Variants in LRP2 observed in about 807,000 individuals in gnomAD.
LRP2 encodes the protein LDL receptor related protein 2, also known as low-density lipoprotein receptor-related protein 2.
LRP2 carries 172 observed loss-of-function variants against 531.0 expected under a neutral mutation model. The observed-to-expected ratio is 0.32, with a 90% CI of 0.29 to 0.37. The LOEUF (loss-of-function observed/expected upper bound fraction) is 0.37. Ranked by LOEUF, LRP2 falls within the 10% of genes least tolerant of loss-of-function variation. The probability of loss-of-function intolerance (pLI) is 1.00; values close to 1 mark genes in which losing one functional copy is unlikely to be tolerated. For synonymous variants in LRP2, 1,992 were observed against 2,027.6 expected, an observed-to-expected ratio of 0.98 and a Z score of 0.47; for missense variants, 5,167 against 5,868.3, an observed-to-expected ratio of 0.88 and a Z score of 3.90.
At position 169,168,697 on chromosome 2, in the gene LRP2, A is replaced by G. The variant is rs367980476; in HGVS notation, c.11498-21T>C. On this transcript the variant is annotated intron_variant, in intron 60 of 78. Transcript: ENST00000649046. ...TGTGGCTGCCATGGGGGAAAAAAAC[A>G]TATTCAAATTATTATACAAATTGAC... is the stretch of plus-strand genomic sequence containing the variant. The G allele has an allele frequency of 5.0e-6, 8 of 1,613,638 alleles. 1 individual carries two copies. In the African/African-American group the frequency reaches 5.3e-5, roughly 11 times the overall value.
intron 16 of LRP2, among the ~76,000 whole-genome samples, chr2:169,266,312 G>A (rs1312891801): frequency 6.6e-6 from 1 of 151,880 alleles, no homozygotes; most frequent in Non-Finnish European, 1.5e-5. Context: ...TAGAAACATG[G>A]AGACAAACAA....
chr2:169,287,801 A>T (rs543807610), intron 9 of LRP2, among the ~76,000 whole-genome samples: 46 of 149,310 alleles, frequency 3.1e-4, no homozygotes, highest in African/African-American at 1.0e-3. Context: ...ATATTCAATA[A>T]TTTTTTCCAA....
chr2:169,269,159 G>A (rs1574202857), intron 16 of LRP2, among the ~76,000 whole-genome samples: 1 of 152,174 alleles, frequency 6.6e-6, no homozygotes, highest in South Asian at 2.1e-4. Flanking sequence ...AATCAATATT[G>A]TGAAAATGGC....
chr2:169,202,332 C>T (rs1167387735), intron 43 of LRP2, among the ~76,000 whole-genome samples: 1 of 152,112 alleles, frequency 6.6e-6, no homozygotes, highest in African/African-American at 2.4e-5. Context: ...AAATAATGAC[C>T]TTTGTGCTAC....
At position 169,220,457 on chromosome 2, in the gene LRP2, C is replaced by G; in HGVS notation, c.5645G>C (p.Arg1882Pro). 6.2e-7 allele frequency: 1 copy of G among 1,611,540 alleles called. No homozygotes were observed. The highest frequency in any genetic ancestry group is 8.5e-7 in the Non-Finnish European group (1 of 1,177,786). ...CGTGCCATTTATGAATACTCACCCA[C>G]GAGCAGGATCAACAGTTATGCCAAT... ...FPIGITVDPARGKLYWSDQGT... is the reference protein window; with the variant it reads ...FPIGITVDPAPGKLYWSDQGT... Residue 1882 changes from arginine (R) to proline (P), a missense_variant, in exon 34 of 79, where the codon CGT becomes CCT. Coordinates refer to ENST00000649046, the MANE Select transcript of LRP2 (RefSeq NM_004525.3).
chr2:169,192,311 C>T (rs1473161480), intron 47 of LRP2, among the ~76,000 whole-genome samples: 4 of 152,098 alleles, frequency 2.6e-5, no homozygotes, highest in Non-Finnish European at 5.9e-5. Flanking sequence ...TACTTTTTCC[C>T]TTAGGGCTTC....
intron 1 of LRP2, among the ~76,000 whole-genome samples, chr2:169,355,444 AT>A (rs1685963339): frequency 6.6e-6 from 1 of 151,962 alleles, no homozygotes; most frequent in African/African-American, 2.4e-5. Flanking sequence ...AATTACCCCC[AT>A]TTCTCTCTGG....
At chr2:169,218,352 G>A (rs775757697) in intron 34 of LRP2, among the ~76,000 whole-genome samples, 2 of 152,048 alleles carry the variant, frequency 1.3e-5, no homozygotes, top group Non-Finnish European at 2.9e-5. Flanking sequence ...GAAATTCTAG[G>A]TATGCTTTAA....
At chr2:169,129,847 A>C (rs1685221662) in intron 77 of LRP2, among the ~76,000 whole-genome samples, 1 of 152,226 alleles carries the variant, frequency 6.6e-6, no homozygotes, top group East Asian at 1.9e-4. Flanking sequence ...GTTGCCTGTC[A>C]TGCTGACTGC....
chr2:169,352,297 C>T (rs1685871412), intron 1 of LRP2, among the ~76,000 whole-genome samples: 1 of 152,140 alleles, frequency 6.6e-6, no homozygotes, highest in East Asian at 1.9e-4. Flanking sequence ...TCAGGACCTG[C>T]CATGCTGGCC....
intron 34 of LRP2, among the ~76,000 whole-genome samples, chr2:169,216,905 G>A (rs1047175623): frequency 3.3e-5 from 5 of 152,122 alleles, no homozygotes; most frequent in Admixed American, 2.0e-4. Context: ...CCTGATTTCT[G>A]TGATGAAAAA....
At chr2:169,330,712 C>G (rs1306945060) in intron 1 of LRP2, among the ~76,000 whole-genome samples, 2 of 152,142 alleles carry the variant, frequency 1.3e-5, no homozygotes, top group Non-Finnish European at 2.9e-5. Context: ...CCCCACATCA[C>G]GGTGACAAAA....
chr2:169,243,037 T>G lies in LRP2; in HGVS notation c.3586A>C (p.Ser1196Arg), dbSNP rs138625240. 9.3e-6 allele frequency: 15 copies of G among 1,613,960 alleles called. No homozygotes were observed. The African/African-American group carries it at 2.0e-4, about 22-fold the overall frequency. The change falls in exon 24 of 79, where the codon AGT becomes CGT. Residue 1196 changes from serine to arginine, a missense_variant. Coordinates refer to ENST00000649046, the MANE Select transcript of LRP2 (RefSeq NM_004525.3). ...GTGACGCCAATACATTTATCCCCAC[T>G]GGCACACTTGAATTGAGAAGCAGTA... ...NCTASQFKCA[S>R]GDKCIGVTNR...
At chr2:169,310,554 C>T (rs550287373) in intron 3 of LRP2, among the ~76,000 whole-genome samples, 1 of 152,208 alleles carries the variant, frequency 6.6e-6, no homozygotes, top group Non-Finnish European at 1.5e-5. Flanking sequence ...ATGAAACCAA[C>T]TTGATCATGG....
intron 32 of LRP2, 144 bp downstream of exon 32, chr2:169,226,278 T>A: frequency 1.5e-6 from 1 of 678,218 alleles, no homozygotes; most frequent in Non-Finnish European, 2.5e-6. Context: ...ATACCCCTCA[T>A]TGAATCAAAA....
At chr2:169,138,752 A>G (rs1685609496) in intron 74 of LRP2, 46 bp from the exon 75 acceptor site, 2 of 1,605,840 alleles carry the variant, frequency 1.2e-6, no homozygotes, top group Non-Finnish European at 1.7e-6. Flanking sequence ...TAAAACAACA[A>G]CAACAAAAAC....
At chr2:169,327,516 C>A (rs1253528401) in intron 1 of LRP2, among the ~76,000 whole-genome samples, 2 of 127,630 alleles carry the variant, frequency 1.6e-5, no homozygotes, top group Admixed American at 7.3e-5. Flanking sequence ...CGGCCAGCCG[C>A]CCCGTCCGGG....
intron 1 of LRP2, among the ~76,000 whole-genome samples, chr2:169,324,999 T>C (rs1254896977): frequency 8.8e-6 from 1 of 114,170 alleles, no homozygotes; most frequent in East Asian, 2.4e-4. Flanking sequence ...CTTAAATCCA[T>C]AGAAAGAAAA....
intron 66 of LRP2, among the ~76,000 whole-genome samples, chr2:169,153,370 G>A (rs1032978871): frequency 6.6e-6 from 1 of 152,184 alleles, no homozygotes; most frequent in Non-Finnish European, 1.5e-5. Context: ...TCAACGAGAA[G>A]TCCTATTTTA....
Sources: gnomAD v4.1 joint callset for allele counts (sites outside exome capture counted in the v4.1 genomes callset) on GRCh38, gnomAD v4.1.1 for gene constraint, MANE v1.5 for transcripts, NCBI Gene and HGNC (gene_info 2026-07-23, HGNC 2026-07-21) for gene names.